Variants in ITCH observed in about 807,000 individuals in gnomAD.
ITCH encodes itchy E3 ubiquitin protein ligase, also known as E3 ubiquitin-protein ligase Itchy homolog.
In ITCH, 28 loss-of-function variants were observed where a neutral mutation model predicts 126.8. The ratio of observed to expected loss-of-function variants is 0.22; its 90% CI spans 0.16 to 0.30. The LOEUF is 0.30. Among genes scored for constraint, ITCH ranks in the 10% least tolerant of loss-of-function variants. The probability of loss-of-function intolerance (pLI) is 1.00; values close to 1 mark genes in which losing one functional copy is unlikely to be tolerated. For missense variants in ITCH, 631 were observed against 1,032.4 expected (o/e 0.61, Z 5.33); for synonymous variants, 342 against 340.0 (o/e 1.01, Z -0.06).
At chr20:34,379,119 TATC>T (rs762031446) in intron 2 of ITCH, among the ~76,000 whole-genome samples, 3 of 152,188 alleles carry the variant, frequency 2.0e-5, no homozygotes, top group East Asian at 3.9e-4. Flanking sequence ...ATCTCTCTAC[TATC>T]ATCTTCTCTC....
chr20:34,475,527 T>C (rs980722541), intron 16 of ITCH, among the ~76,000 whole-genome samples: 18 of 152,182 alleles, frequency 1.2e-4, no homozygotes, highest in Admixed American at 5.2e-4. Flanking sequence ...TGGCGGCGCG[T>C]GCCTGCAATC....
intron 2 of ITCH, among the ~76,000 whole-genome samples, chr20:34,390,443 C>CTTTT (rs546555130): frequency 6.1e-4 from 55 of 90,780 alleles, no homozygotes; most frequent in Non-Finnish European, 8.8e-4. Context: ...CAAGAATAAT[C>CTTTT]TTTTTTTTTT....
intron 7 of ITCH, among the ~76,000 whole-genome samples, chr20:34,429,666 A>G (rs929711613): frequency 2.6e-5 from 4 of 152,160 alleles, no homozygotes; most frequent in African/African-American, 4.8e-5. Flanking sequence ...TGTTTCCCCA[A>G]AGTCCGAGCG....
intron 1 of ITCH, among the ~76,000 whole-genome samples, chr20:34,366,410 GAGAA>G (rs2037424081): frequency 6.6e-6 from 1 of 152,046 alleles, no homozygotes; most frequent in African/African-American, 2.4e-5. Context: ...TTTTTTTGTA[GAGAA>G]AGGTTCTCTT....
At position 34,465,001 on chromosome 20, in the gene ITCH, C is replaced by T. The variant is rs559169901; in HGVS notation, c.1424+2780C>T. ...TAGGGATTACAGGCATGAGCCACCG[C>T]GCCTGGCCTGAGAGTTCTTTAATTT... On this transcript the variant is annotated intron_variant, in intron 14 of 24. Coordinates refer to ENST00000374864, the MANE Select transcript of ITCH (RefSeq NM_031483.7). Among the ~76,000 whole-genome samples the T allele has an allele frequency of 6.4e-4, 97 of 152,284 alleles. 1 individual carries two copies. Among genetic ancestry groups the T allele is most frequent in the African/African-American group, 2.2e-3 (92 of 41,560 alleles).
At chr20:34,374,133 A>T (rs536173629) in intron 2 of ITCH, among the ~76,000 whole-genome samples, 8 of 152,062 alleles carry the variant, frequency 5.3e-5, no homozygotes, top group Non-Finnish European at 1.2e-4. Flanking sequence ...AAGACAAGAT[A>T]AGCTCCAGAA....
Position 34,507,263 on chromosome 20 carries a change from G to GTTTTTTTTTTTTTT in ITCH, c.2490-419_2490-406dup, listed in dbSNP as rs776161631. Among the ~76,000 whole-genome samples the GTTTTTTTTTTTTTT allele has an allele frequency of 1.5e-3, 59 of 39,126 alleles. 1 individual carries two copies. The highest frequency in any genetic ancestry group is 1.8e-3 in the East Asian group (2 of 1,136). The allele number at this position is 39,126 out of a possible 152,430, so 25.7% of individuals were successfully genotyped here. Reference sequence around the variant, plus strand: ...TCCTTTTCAACTCTTGTTTTCTTCTGTTTTTTTTTTTTTTTTTTTTTTTTT... The same window carrying GTTTTTTTTTTTTTT: ...TCCTTTTCAACTCTTGTTTTCTTCTGTTTTTTTTTTTTTTTTTTTTTTTTTTTTTTTTTTTTTTT... On this transcript the variant is annotated intron_variant, in intron 24 of 24. Coordinates refer to ENST00000374864, the MANE Select transcript of ITCH (RefSeq NM_031483.7).
intron 14 of ITCH, chr20:34,466,490 A>G (rs1987080841): frequency 2.1e-6 from 1 of 478,224 alleles, no homozygotes; most frequent in Non-Finnish European, 4.0e-6. Flanking sequence ...AAATCAGGCC[A>G]ATTTGGTATT....
intron 23 of ITCH, among the ~76,000 whole-genome samples, chr20:34,493,964 C>A (rs1170383565): frequency 2.6e-5 from 4 of 152,222 alleles, no homozygotes; most frequent in African/African-American, 9.6e-5. Context: ...GGCACAGCCT[C>A]ACGCCTATAA....
intron 17 of ITCH, 52 bp downstream of exon 17, chr20:34,477,912 A>G (rs1216672493): frequency 6.2e-7 from 1 of 1,606,594 alleles, no homozygotes; most frequent in African/African-American, 1.3e-5. Context: ...CAAAGGTACC[A>G]TTGCACTTCG....
rs1429237320 is a variant in ITCH at position 34,433,273 on chromosome 20, A to G, written c.522-5201A>G. 2.6e-5 allele frequency among the ~76,000 whole-genome samples: 4 copies of G among 152,232 alleles called. No homozygotes were observed. The East Asian group carries it at 5.8e-4, about 22-fold the overall frequency. On this transcript the variant is annotated intron_variant, in intron 7 of 24. Transcript: ENST00000374864. ...CCATTGCACTCCACCCTGGGGGACAAGAGCGAGACTTCGTCTCAAAAAAAC... is the reference window on the plus strand; with the variant it reads ...CCATTGCACTCCACCCTGGGGGACAGGAGCGAGACTTCGTCTCAAAAAAAC...
chr20:34,482,665 G>C (rs1441234685), intron 20 of ITCH, among the ~76,000 whole-genome samples: 1 of 152,226 alleles, frequency 6.6e-6, no homozygotes, highest in African/African-American at 2.4e-5. Context: ...GGCTGGCGTT[G>C]AGTGTCTATG....
At chr20:34,435,572 T>C (rs1395530112) in intron 7 of ITCH, among the ~76,000 whole-genome samples, 1 of 152,282 alleles carries the variant, frequency 6.6e-6, no homozygotes, top group East Asian at 1.9e-4. Context: ...GAAAATTTAT[T>C]AGAATTGTTT....
chr20:34,482,243 A>G (rs1323012193), intron 20 of ITCH, among the ~76,000 whole-genome samples: 1 of 152,170 alleles, frequency 6.6e-6, no homozygotes, highest in African/African-American at 2.4e-5. Flanking sequence ...ATGTCTTCAC[A>G]TTTCAAAACC....
intron 5 of ITCH, 86 bp from the exon 6 acceptor site, chr20:34,413,656 C>T: frequency 1.6e-6 from 2 of 1,245,548 alleles, no homozygotes; most frequent in Non-Finnish European, 2.2e-6. Flanking sequence ...TCGGACATCA[C>T]ATTTTTAACA....
chr20:34,462,857 A>G (rs915560390), intron 14 of ITCH, among the ~76,000 whole-genome samples: 3 of 152,192 alleles, frequency 2.0e-5, no homozygotes, highest in African/African-American at 7.2e-5. Context: ...GTCATACAAT[A>G]TTTATGCTTA....
At chr20:34,446,348 G>T (rs180997296) in intron 11 of ITCH, among the ~76,000 whole-genome samples, 37 of 152,246 alleles carry the variant, frequency 2.4e-4, no homozygotes, top group Admixed American at 5.2e-4. Context: ...GAGTAAAACA[G>T]CACCTTTCGT....
chr20:34,379,190 G>A (rs2037958767), intron 2 of ITCH, among the ~76,000 whole-genome samples: 1 of 151,804 alleles, frequency 6.6e-6, no homozygotes, highest in South Asian at 2.1e-4. Flanking sequence ...ATTTTTTTCT[G>A]AGGTTTTGGA....
chr20:34,390,928 T>C (rs192310066), intron 2 of ITCH, among the ~76,000 whole-genome samples: 2 of 151,770 alleles, frequency 1.3e-5, no homozygotes, highest in East Asian at 3.9e-4. Context: ...ATTTTTTGTA[T>C]TTTTAATACA....
Sources: allele counts gnomAD v4.1 joint callset (sites outside exome capture counted in the v4.1 genomes callset), GRCh38; gene constraint gnomAD v4.1.1; transcripts MANE v1.5; gene names NCBI Gene and HGNC (gene_info 2026-07-23, HGNC 2026-07-21).